SHROOM3: variants seen among roughly 807,000 people sequenced by gnomAD.
The protein encoded by SHROOM3 is shroom family member 3.
A neutral mutation model predicts 138.6 loss-of-function variants in SHROOM3; 47 were observed. That is an observed-to-expected ratio of 0.34 (90% confidence interval 0.27 to 0.43). The LOEUF (loss-of-function observed/expected upper bound fraction) is 0.43. Ranked by LOEUF, SHROOM3 falls within the 20% of genes least tolerant of loss-of-function variation. The probability of loss-of-function intolerance (pLI) is 1.00; values close to 1 mark genes in which losing one functional copy is unlikely to be tolerated. For synonymous variants in SHROOM3, 1,062 were observed against 1,063.3 expected (o/e 1.00, Z 0.02); for missense variants, 2,491 against 2,596.5 (o/e 0.96, Z 0.88).
intron 4 of SHROOM3, among the ~76,000 whole-genome samples, chr4:76,734,602 C>G (rs1301790299): frequency 6.7e-6 from 1 of 149,918 alleles, no homozygotes; most frequent in Non-Finnish European, 1.5e-5. Flanking sequence ...CATTGACATT[C>G]TGGGCTCAAG....
intron 1 of SHROOM3, among the ~76,000 whole-genome samples, chr4:76,441,287 G>T (rs1280949937): frequency 6.6e-6 from 1 of 151,890 alleles, no homozygotes; most frequent in Non-Finnish European, 1.5e-5. Flanking sequence ...TAGAGACAGG[G>T]TTTCGCCGTG....
intron 2 of SHROOM3, among the ~76,000 whole-genome samples, chr4:76,624,532 G>A (rs2110068170): frequency 6.6e-6 from 1 of 152,166 alleles, no homozygotes. Context: ...TTGTTATTCG[G>A]GTTTCCAAGG....
chr4:76,757,878 G>T (rs1721872887), intron 8 of SHROOM3, among the ~76,000 whole-genome samples: 1 of 152,196 alleles, frequency 6.6e-6, no homozygotes, highest in Non-Finnish European at 1.5e-5. Context: ...TGGATTGACA[G>T]TCTGGGACTC....
chr4:76,657,134 G>A (rs1213241884), intron 2 of SHROOM3, among the ~76,000 whole-genome samples: 2 of 152,098 alleles, frequency 1.3e-5, no homozygotes, highest in East Asian at 3.9e-4. Context: ...CCGAGATCAT[G>A]CCATTGAACT....
At chr4:76,616,126 G>A (rs1734870138) in intron 2 of SHROOM3, among the ~76,000 whole-genome samples, 1 of 152,062 alleles carries the variant, frequency 6.6e-6, no homozygotes, top group Non-Finnish European at 1.5e-5. Flanking sequence ...GCCTGGGGTT[G>A]GACAACACTT....
At chr4:76,605,137 T>C (rs929485587) in intron 2 of SHROOM3, among the ~76,000 whole-genome samples, 1 of 151,990 alleles carries the variant, frequency 6.6e-6, no homozygotes, top group Non-Finnish European at 1.5e-5. Flanking sequence ...TCAGTATGAG[T>C]GTACGTGTGG....
intron 2 of SHROOM3, among the ~76,000 whole-genome samples, chr4:76,688,011 C>A (rs1025052798): frequency 1.3e-5 from 2 of 152,188 alleles, no homozygotes; most frequent in Admixed American, 1.3e-4. Context: ...CGGCAATGTG[C>A]GTTATAAACT....
At chr4:76,543,674 G>A (rs1733153427) in intron 1 of SHROOM3, among the ~76,000 whole-genome samples, 1 of 152,172 alleles carries the variant, frequency 6.6e-6, no homozygotes, top group Non-Finnish European at 1.5e-5. Flanking sequence ...CAGTCACCAT[G>A]CCAGAGGGAA....
intron 1 of SHROOM3, among the ~76,000 whole-genome samples, chr4:76,519,884 G>T (rs1427894343): frequency 6.6e-6 from 1 of 152,196 alleles, no homozygotes; most frequent in Non-Finnish European, 1.5e-5. Flanking sequence ...TTTGTGAGGT[G>T]TGAGGTGTGA....
At chr4:76,606,355 G>A (rs1011428806) in intron 2 of SHROOM3, among the ~76,000 whole-genome samples, 1 of 151,436 alleles carries the variant, frequency 6.6e-6, no homozygotes, top group Non-Finnish European at 1.5e-5. Context: ...GCTTACTACC[G>A]ACTGCTGCTT....
intron 1 of SHROOM3, among the ~76,000 whole-genome samples, chr4:76,442,718 A>C (rs1304070015): frequency 6.6e-6 from 1 of 151,860 alleles, no homozygotes; most frequent in Non-Finnish European, 1.5e-5. Context: ...CCCACCCTTT[A>C]TACTTTTCTA....
At chr4:76,439,571 C>T (rs934143784) in intron 1 of SHROOM3, among the ~76,000 whole-genome samples, 4 of 152,062 alleles carry the variant, frequency 2.6e-5, no homozygotes, top group Non-Finnish European at 5.9e-5. Flanking sequence ...TAGATCTTCT[C>T]TCTAAGACAA....
At chr4:76,502,162 A>C (rs879616411) in intron 1 of SHROOM3, among the ~76,000 whole-genome samples, 3 of 152,316 alleles carry the variant, frequency 2.0e-5, no homozygotes, top group Admixed American at 1.3e-4. Context: ...GACTCTCCAG[A>C]GTCCCCGCCA....
At chr4:76,500,703 A>T (rs1195833911) in intron 1 of SHROOM3, among the ~76,000 whole-genome samples, 2 of 152,102 alleles carry the variant, frequency 1.3e-5, no homozygotes, top group African/African-American at 4.8e-5. Flanking sequence ...TTCTCTGAGA[A>T]CTATGGAAGT....
At chr4:76,708,624 C>T (rs983594164) in intron 2 of SHROOM3, among the ~76,000 whole-genome samples, 5 of 152,064 alleles carry the variant, frequency 3.3e-5, no homozygotes, top group African/African-American at 7.2e-5. Flanking sequence ...TATTGGATGG[C>T]GAGGTATCTT....
chr4:76,437,935 C>T (rs1730593292), intron 1 of SHROOM3, among the ~76,000 whole-genome samples: 1 of 152,194 alleles, frequency 6.6e-6, no homozygotes, highest in Non-Finnish European at 1.5e-5. Context: ...AATCCTCCCA[C>T]TAATGAGCCA....
rs1256247777 is a variant in SHROOM3 at position 76,748,998 on chromosome 4, G to A, written c.3754-19G>A. ...ACCCGTTTATTGGCAGTAATGCTGTGCCTTTCTTGTGTTTCAAGGATGTGC... is the reference window on the plus strand; with the variant it reads ...ACCCGTTTATTGGCAGTAATGCTGTACCTTTCTTGTGTTTCAAGGATGTGC... On this transcript the variant is annotated intron_variant, in intron 5 of 10. Coordinates refer to ENST00000296043, the MANE Select transcript of SHROOM3 (RefSeq NM_020859.4). The A allele has an allele frequency of 1.5e-5, 25 of 1,613,032 alleles. No individual in the cohort carries two copies. The highest frequency in any genetic ancestry group is 2.0e-5 in the Non-Finnish European group (24 of 1,179,154).
chr4:76,548,465 G>A (rs1733273884), intron 1 of SHROOM3, among the ~76,000 whole-genome samples: 1 of 152,132 alleles, frequency 6.6e-6, no homozygotes, highest in African/African-American at 2.4e-5. Flanking sequence ...AGATGGGCCT[G>A]GCTTTCTGTG....
intron 1 of SHROOM3, among the ~76,000 whole-genome samples, chr4:76,540,804 G>C (rs1219297438): frequency 6.6e-6 from 1 of 152,158 alleles, no homozygotes; most frequent in Admixed American, 6.5e-5. Context: ...AAAAAGAGAA[G>C]AGAAAACTAA....
Sources: allele counts gnomAD v4.1 joint callset (sites outside exome capture counted in the v4.1 genomes callset), GRCh38; gene constraint gnomAD v4.1.1; transcripts MANE v1.5; gene names NCBI Gene and HGNC (gene_info 2026-07-23, HGNC 2026-07-21).